POMP: variants seen among roughly 807,000 people sequenced by gnomAD.
POMP encodes the protein proteasome maturation protein.
In POMP, 12 loss-of-function variants were observed where a neutral mutation model predicts 20.6. That is an observed-to-expected ratio of 0.58 (90% CI 0.37 to 0.94). The LOEUF is 0.94. POMP is among the 40% of genes least tolerant of loss of function. POMP has a pLI of 0.01. For synonymous variants in POMP, 53 were observed against 55.0 expected (o/e 0.96, Z 0.16); for missense variants, 136 against 161.1 (o/e 0.84, Z 0.84).
At chr13:28,674,683 A>C (rs1884600345) in intron 5 of POMP, among the ~76,000 whole-genome samples, 1 of 149,200 alleles carries the variant, frequency 6.7e-6, no homozygotes, top group South Asian at 2.1e-4. Context: ...TTCAGAATGC[A>C]AAAAAAGGCC....
intron 5 of POMP, among the ~76,000 whole-genome samples, chr13:28,674,955 C>G (rs1206052419): frequency 1.3e-5 from 2 of 152,016 alleles, no homozygotes; most frequent in South Asian, 2.1e-4. Flanking sequence ...AGGAGGATCA[C>G]TTGAGCCCAG....
Position 28,668,548 on chromosome 13 carries a change from C to G in POMP, c.238C>G (p.Gln80Glu). The G allele has an allele frequency of 6.2e-7, 1 of 1,611,018 alleles. No homozygotes were observed. The highest frequency in any genetic ancestry group is 8.5e-7 in the Non-Finnish European group (1 of 1,177,226). Reference protein sequence around the residue: ...IQGLFAPLKLQMEFKAVQQVQ... With the variant: ...IQGLFAPLKLEMEFKAVQQVQ... ...GGGTCTATTTGCTCCGCTAAAATTA[C>G]AGATGGAATTCAAGGCAGTGCAGCA... Residue 80 changes from glutamine to glutamate, a missense_variant, in exon 4 of 6, where the codon CAG becomes GAG. Coordinates refer to ENST00000380842, the MANE Select transcript of POMP (RefSeq NM_015932.6).
At chr13:28,670,259 C>G (rs751753459) in intron 4 of POMP, among the ~76,000 whole-genome samples, 1 of 152,142 alleles carries the variant, frequency 6.6e-6, no homozygotes, top group Non-Finnish European at 1.5e-5. Context: ...ATCCCATAAT[C>G]CCCCACATAC....
chr13:28,660,282 A>G (rs1183494370), intron 1 of POMP, among the ~76,000 whole-genome samples: 1 of 152,230 alleles, frequency 6.6e-6, no homozygotes, highest in African/African-American at 2.4e-5. Context: ...ATGGTGTGAA[A>G]TCCATACACA....
At chr13:28,668,058 C>T (rs1453417991) in intron 3 of POMP, among the ~76,000 whole-genome samples, 1 of 152,144 alleles carries the variant, frequency 6.6e-6, no homozygotes, top group African/African-American at 2.4e-5. Context: ...TTTGCTGAAT[C>T]CTTTTAAATA....
chr13:28,669,980 C>T (rs1260144496), intron 4 of POMP, among the ~76,000 whole-genome samples: 1 of 152,066 alleles, frequency 6.6e-6, no homozygotes, highest in African/African-American at 2.4e-5. Context: ...CGTGGTGGTG[C>T]ACACCTATAG....
At chr13:28,664,379 C>T (rs551756072) in intron 2 of POMP, 130 bp from the exon 3 acceptor site, 1 of 618,954 alleles carries the variant, frequency 1.6e-6, no homozygotes, top group African/African-American at 1.9e-5. Context: ...TCACCACAGT[C>T]AAGATACAGA....
At chr13:28,666,474 C>CT (rs760610524) in intron 3 of POMP, among the ~76,000 whole-genome samples, 9 of 152,206 alleles carry the variant, frequency 5.9e-5, no homozygotes, top group African/African-American at 1.2e-4. Context: ...TGTGAAGAAT[C>CT]TAAAAACTTC....
intron 5 of POMP, among the ~76,000 whole-genome samples, chr13:28,675,178 T>C (rs1302999836): frequency 6.6e-6 from 1 of 151,440 alleles, no homozygotes; most frequent in Non-Finnish European, 1.5e-5. Flanking sequence ...TCTAGCTCTG[T>C]CACCCAGGCT....
chr13:28,667,940 A>G (rs1015025888), intron 3 of POMP, among the ~76,000 whole-genome samples: 3 of 152,230 alleles, frequency 2.0e-5, no homozygotes, highest in Non-Finnish European at 2.9e-5. Context: ...ATACAAATTG[A>G]ATAAACTTTT....
intron 3 of POMP, among the ~76,000 whole-genome samples, chr13:28,667,280 G>GGC (rs967033266): frequency 6.6e-6 from 1 of 152,080 alleles, no homozygotes; most frequent in Admixed American, 6.5e-5. Context: ...TAGTCCCAGC[G>GGC]GCGTGGGAGG....
At chr13:28,676,002 G>A (rs553990795) in intron 5 of POMP, among the ~76,000 whole-genome samples, 32 of 152,136 alleles carry the variant, frequency 2.1e-4, no homozygotes, top group South Asian at 2.1e-4. Context: ...GCCACCTTCC[G>A]CACTGGGAAT....
At chr13:28,669,224 A>G (rs935425187) in intron 4 of POMP, among the ~76,000 whole-genome samples, 3 of 151,994 alleles carry the variant, frequency 2.0e-5, no homozygotes, top group African/African-American at 4.8e-5. Context: ...TTTCCCTGCT[A>G]TTTATTTAAC....
At chr13:28,677,350 C>A (rs1396539256) in intron 5 of POMP, among the ~76,000 whole-genome samples, 1 of 152,094 alleles carries the variant, frequency 6.6e-6, no homozygotes, top group African/African-American at 2.4e-5. Context: ...CAGGGTTATT[C>A]ATTTTTACAA....
intron 3 of POMP, among the ~76,000 whole-genome samples, chr13:28,665,999 T>G (rs553089793): frequency 1.3e-5 from 2 of 152,328 alleles, no homozygotes; most frequent in African/African-American, 4.8e-5. Flanking sequence ...TAAGTATTTT[T>G]CAAGGACTTG....
chr13:28,660,042 C>G (rs1390613347), intron 1 of POMP: 3 of 152,192 alleles, frequency 2.0e-5, no homozygotes, highest in African/African-American at 7.2e-5. Context: ...AAGTACTAAT[C>G]TTGATATTTT....
chr13:28,668,479 C>T lies in POMP; in HGVS notation c.169C>T (p.Leu57Phe), dbSNP rs767215099. Residue 57 changes from leucine (L) to phenylalanine (F), a missense_variant, in exon 4 of 6, where the codon CTC becomes TTC. Physicochemically the swap from Leu to Phe is conservative, Grantham distance 22 (BLOSUM62 0). Transcript: ENST00000380842. ...ATTACATTGTCTTTTGTAGTTCCAG[C>T]TCAACCAAGATAAAATGAATTTTTC... is the stretch of plus-strand genomic sequence containing the variant. ...PLELSEKNFQLNQDKMNFSTL... is the reference protein window; with the variant it reads ...PLELSEKNFQFNQDKMNFSTL... 6.2e-7 allele frequency: 1 copy of T among 1,604,108 alleles called. No individual in the cohort carries two copies.
chr13:28,676,239 C>T, intron 5 of POMP, among the ~76,000 whole-genome samples: 1 of 152,060 alleles, frequency 6.6e-6, no homozygotes, highest in Non-Finnish European at 1.5e-5. Context: ...CTCCTGACCT[C>T]GTGATCTGCC....
chr13:28,670,845 G>A (rs961386379), intron 4 of POMP, among the ~76,000 whole-genome samples: 64 of 152,122 alleles, frequency 4.2e-4, no homozygotes, highest in Admixed American at 3.9e-3. Context: ...TCAGGAGTTC[G>A]AGACTAGCCT....
Sources: allele counts gnomAD v4.1 joint callset (sites outside exome capture counted in the v4.1 genomes callset), GRCh38; gene constraint gnomAD v4.1.1; transcripts MANE v1.5; gene names NCBI Gene and HGNC (gene_info 2026-07-23, HGNC 2026-07-21).